Variants in LTN1 observed in about 807,000 individuals in gnomAD.
LTN1 encodes the protein listerin E3 ubiquitin protein ligase 1, also known as E3 ubiquitin-protein ligase listerin.
LTN1 carries 88 observed loss-of-function variants against 201.2 expected under a neutral mutation model. The observed-to-expected ratio is 0.44, with a 90% confidence interval of 0.37 to 0.52. The LOEUF (loss-of-function observed/expected upper bound fraction) is 0.52. Ranked by LOEUF, LTN1 falls within the 20% of genes least tolerant of loss-of-function variation. The probability of loss-of-function intolerance (pLI) is 0.00; values close to 1 mark genes in which losing one functional copy is unlikely to be tolerated. For synonymous variants in LTN1, 645 were observed against 713.5 expected (o/e 0.90, Z 1.53); for missense variants, 1,752 against 2,038.7 (o/e 0.86, Z 2.71).
chr21:28,965,843 GA>G (rs762380599), intron 11 of LTN1, 21 bp downstream of exon 11: 170 of 1,214,912 alleles, frequency 1.4e-4, no homozygotes, highest in Admixed American at 1.8e-4. Flanking sequence ...AAAAAAAAAA[GA>G]AAAAAAAATC....
At chr21:28,947,775 GTTTT>G (rs202076727) in intron 18 of LTN1, among the ~76,000 whole-genome samples, 169 bp from the exon 19 acceptor site, 1 of 151,034 alleles carries the variant, frequency 6.6e-6, no homozygotes, top group African/African-American at 2.4e-5. Context: ...GATGAAATTG[GTTTT>G]TTTTGCTCCT....
At chr21:28,957,227 A>C in intron 15 of LTN1, 105 bp downstream of exon 15, 1 of 1,174,254 alleles carries the variant, frequency 8.5e-7, no homozygotes, top group Non-Finnish European at 1.2e-6. Flanking sequence ...AGCAAAGCAA[A>C]ATACTCATTT....
chr21:28,979,748 T>G (rs779351549), intron 6 of LTN1, among the ~76,000 whole-genome samples: 1 of 152,098 alleles, frequency 6.6e-6, no homozygotes, highest in Non-Finnish European at 1.5e-5. Flanking sequence ...GGTGGGTGGA[T>G]CATCTGAGGT....
rs573826924 is a variant in LTN1 at position 28,966,610 on chromosome 21, G to A, written c.1881C>T (p.Ser627=). The change falls in exon 10 of 30, where the codon AGC becomes AGT. Residue 627 remains serine, a synonymous_variant. Transcript: ENST00000361371. The part of the protein sequence containing the change: ...LSTLLDSFSS[S]RVFKMLLGDE... ...CACCAAGTAGCATTTTAAATACTCG[G>A]CTTGAAGAAAAGGAGTCAAGCAGAG... 1 of 1,613,994 alleles carries A rather than the reference G, an allele frequency of 6.2e-7. No individual in the cohort carries two copies. Among genetic ancestry groups the A allele is most frequent in the East Asian group, 2.2e-5 (1 of 44,862 alleles).
At chr21:28,956,500 T>G (rs1426499437) in intron 16 of LTN1, among the ~76,000 whole-genome samples, 1 of 152,192 alleles carries the variant, frequency 6.6e-6, no homozygotes, top group Admixed American at 6.5e-5. Flanking sequence ...TCTGTTTACA[T>G]TGATGTCATG....
intron 14 of LTN1, among the ~76,000 whole-genome samples, 188 bp from the exon 15 acceptor site, chr21:28,957,664 T>A (rs1201910262): frequency 6.6e-6 from 1 of 152,080 alleles, no homozygotes; most frequent in Non-Finnish European, 1.5e-5. Flanking sequence ...GGTAATCCAA[T>A]ATTTATCATT....
chr21:28,959,364 T>A (rs1050800851), intron 13 of LTN1, 94 bp downstream of exon 13: 2 of 1,435,998 alleles, frequency 1.4e-6, no homozygotes, highest in Admixed American at 4.5e-5. Flanking sequence ...TTCAAACACA[T>A]TATAATTCAA....
chr21:28,963,757 T>C (rs1204300244), intron 11 of LTN1, among the ~76,000 whole-genome samples: 1 of 152,188 alleles, frequency 6.6e-6, no homozygotes, highest in Admixed American at 6.5e-5. Context: ...GAAAACCTTC[T>C]GGAAAAAACT....
rs753152801 is a variant in LTN1 at position 28,931,125 on chromosome 21, ATAAG to A, written c.5238+26_5238+29del. On this transcript the variant is annotated intron_variant, in intron 29 of 29. Transcript: ENST00000361371. ...TTTATGTGTATAAAATACATAAAATATAAGTAAGTTAATTTCTCTTTAGACTTAC... is the reference window on the plus strand; with the variant it reads ...TTTATGTGTATAAAATACATAAAATATAAGTTAATTTCTCTTTAGACTTAC... 7 of 1,468,800 alleles carry A rather than the reference ATAAG, an allele frequency of 4.8e-6. No individual in the cohort carries two copies. In the South Asian group the frequency reaches 7.0e-5, roughly 15 times the overall value. The allele number at this position is 1,468,800 out of a possible 1,614,324, so 91.0% of individuals were successfully genotyped here. A position where few individuals can be genotyped will look rare whatever the true frequency, so the allele number is the denominator to read the frequency against.
At position 28,969,465 on chromosome 21, in the gene LTN1, C is replaced by A. The variant is rs202119060; in HGVS notation, c.1311+1G>T. The A allele has an allele frequency of 1.2e-6, 2 of 1,607,882 alleles. No homozygotes were observed. The highest frequency in any genetic ancestry group is 1.7e-5 in the Admixed American group (1 of 58,278). ...ACTGACGACTTTTACATTATAGATA[C>A]CTGATCATTGACGAGCATCTGTTCA... On this transcript the variant is annotated splice_donor_variant, in intron 9 of 29. Coordinates refer to ENST00000361371, the MANE Select transcript of LTN1 (RefSeq NM_015565.3). LOFTEE classifies it high-confidence loss of function.
chr21:28,978,593 G>A (rs1318766271), intron 6 of LTN1, among the ~76,000 whole-genome samples: 1 of 152,074 alleles, frequency 6.6e-6, no homozygotes, highest in African/African-American at 2.4e-5. Context: ...CTTAAAGGTG[G>A]GAATAGCCTT....
intron 15 of LTN1, 78 bp downstream of exon 15, chr21:28,957,254 C>T (rs2084433182): frequency 4.5e-6 from 6 of 1,325,740 alleles, no homozygotes; most frequent in Non-Finnish European, 6.2e-6. Flanking sequence ...TGTTTTTCTT[C>T]CCCAAAATAA....
chr21:28,935,388 T>A lies in LTN1; in HGVS notation c.4655-59A>T. On this transcript the variant is annotated intron_variant, in intron 26 of 29. Transcript: ENST00000361371. ...ATATTTCTTATATAGAATAACAGAC[T>A]AATATTAGTATTTTCTTTAGAAAGT... The A allele has an allele frequency of 3.0e-6, 3 of 996,942 alleles. 1 individual carries two copies. Among genetic ancestry groups the A allele is most frequent in the Middle Eastern group, 6.1e-4 (2 of 3,276 alleles). The allele number at this position is 996,942 out of a possible 1,614,324, so 61.8% of individuals were successfully genotyped here.
chr21:28,951,489 C>T (rs1474977738), intron 18 of LTN1, among the ~76,000 whole-genome samples: 5 of 152,006 alleles, frequency 3.3e-5, no homozygotes, highest in African/African-American at 7.3e-5. Context: ...AGTAACTTTC[C>T]CTATCACTTC....
intron 11 of LTN1, 117 bp from the exon 12 acceptor site, chr21:28,960,823 C>A (rs1333505523): frequency 1.1e-5 from 7 of 633,186 alleles, no homozygotes; most frequent in Non-Finnish European, 1.9e-5. Flanking sequence ...TTCTATCCCC[C>A]CTCCTCCTCC....
intron 21 of LTN1, 142 bp from the exon 22 acceptor site, chr21:28,944,738 CAT>C: frequency 1.7e-6 from 1 of 605,696 alleles, no homozygotes; most frequent in South Asian, 2.3e-5. Context: ...TCAGGAGAAA[CAT>C]AAAATTTTAC....
intron 6 of LTN1, among the ~76,000 whole-genome samples, chr21:28,980,217 T>TTGTA (rs1041745069): frequency 3.3e-5 from 5 of 151,974 alleles, no homozygotes; most frequent in Admixed American, 2.0e-4. Context: ...GTGCTGTCTA[T>TTGTA]TGTATCTAGG....
Position 28,986,748 on chromosome 21 carries a change from C to T in LTN1, c.229G>A (p.Val77Ile). ...MVLRKLSKKD[V>I]TTKLKAMQEF... ...AAACTTGCTTTTAATTTTGTGGTGA[C>T]ATCTTTCTTTGAAAGTTTCCGCAGC... Residue 77 changes from valine (V) to isoleucine (I), a missense_variant, in exon 2 of 30, where the codon GTC becomes ATC. Physicochemically the swap from Val to Ile is conservative, Grantham distance 29 (BLOSUM62 3). Coordinates refer to ENST00000361371, the MANE Select transcript of LTN1 (RefSeq NM_015565.3). This position sits in a 1 kb window ranked among gnomAD's most constrained non-coding sequence, Gnocchi z 4.1. 1 of 1,611,472 alleles carries T rather than the reference C, an allele frequency of 6.2e-7. No individual in the cohort carries two copies. The highest frequency in any genetic ancestry group is 1.1e-5 in the South Asian group (1 of 89,852).
chr21:28,957,115 TAC>T (rs1320488525), intron 15 of LTN1, among the ~76,000 whole-genome samples, 167 bp from the exon 16 acceptor site: 2 of 152,228 alleles, frequency 1.3e-5, no homozygotes, highest in Non-Finnish European at 2.9e-5. Flanking sequence ...ACTCCTTAAG[TAC>T]AGAACTAGGT....
Sources: allele counts gnomAD v4.1 joint callset (sites outside exome capture counted in the v4.1 genomes callset), GRCh38; gene constraint gnomAD v4.1.1; non-coding constraint Gnocchi (gnomAD v3.1); transcripts MANE v1.5; gene names NCBI Gene and HGNC (gene_info 2026-07-23, HGNC 2026-07-21).